Variants in RAB27A observed in about 807,000 individuals in gnomAD.
The protein encoded by RAB27A is ras-related protein Rab-27A.
In RAB27A, 17 loss-of-function variants were observed where a neutral mutation model predicts 20.8. That is an observed-to-expected ratio of 0.82 (90% CI 0.56 to 1.23). The LOEUF (loss-of-function observed/expected upper bound fraction) is 1.23, where lower values mean the gene tolerates loss of function less well. Ranked by LOEUF, RAB27A falls within the 50% of genes most tolerant of loss-of-function variation. The probability of loss-of-function intolerance (pLI) is 0.00; values close to 1 mark genes in which losing one functional copy is unlikely to be tolerated. For synonymous variants in RAB27A, 85 were observed against 92.8 expected (o/e 0.92, Z 0.48); for missense variants, 277 against 266.7 (o/e 1.04, Z -0.27).
At chr15:55,246,155 T>C (rs1368057784) in intron 2 of RAB27A, among the ~76,000 whole-genome samples, 2 of 151,682 alleles carry the variant, frequency 1.3e-5, no homozygotes, top group African/African-American at 4.8e-5. Context: ...CACCAAAACA[T>C]ACATCATTTT....
intron 2 of RAB27A, among the ~76,000 whole-genome samples, chr15:55,303,549 C>T (rs62018101): frequency 3.1e-5 from 2 of 64,778 alleles, no homozygotes; most frequent in African/African-American, 1.6e-4. Context: ...CCGCCCCGTC[C>T]GGGAGGGAGG....
At chr15:55,239,154 A>C (rs912481681) in intron 2 of RAB27A, among the ~76,000 whole-genome samples, 5 of 152,232 alleles carry the variant, frequency 3.3e-5, no homozygotes, top group African/African-American at 9.6e-5. Flanking sequence ...CTGTGCTGAC[A>C]AATTAAATCC....
At chr15:55,296,112 T>C (rs1167028640) in intron 2 of RAB27A, among the ~76,000 whole-genome samples, 1 of 148,784 alleles carries the variant, frequency 6.7e-6, no homozygotes, top group Non-Finnish European at 1.5e-5. Flanking sequence ...GCCAGGCTGG[T>C]CTCGAACTCC....
intron 2 of RAB27A, among the ~76,000 whole-genome samples, chr15:55,235,210 G>A (rs2140991077): frequency 6.6e-6 from 1 of 152,244 alleles, no homozygotes; most frequent in Non-Finnish European, 1.5e-5. Context: ...CACTTTGGGA[G>A]GCCAAGGTGG....
At chr15:55,242,471 CTAAG>C (rs1306426246) in intron 2 of RAB27A, among the ~76,000 whole-genome samples, 1 of 152,122 alleles carries the variant, frequency 6.6e-6, no homozygotes, top group African/African-American at 2.4e-5. Flanking sequence ...GTTTTAAGGA[CTAAG>C]TGAGATAACC....
intron 2 of RAB27A, among the ~76,000 whole-genome samples, chr15:55,261,795 T>G (rs1897277971): frequency 6.7e-6 from 1 of 149,690 alleles, no homozygotes; most frequent in Non-Finnish European, 1.5e-5. Context: ...ATCCCAGCAC[T>G]TTGGAAGGCC....
intron 2 of RAB27A, among the ~76,000 whole-genome samples, chr15:55,301,559 A>G (rs375565345): frequency 6.6e-6 from 1 of 151,430 alleles, no homozygotes; most frequent in South Asian, 2.1e-4. Context: ...TTAAAAGTGT[A>G]TGATTTGGTG....
intron 5 of RAB27A, 139 bp downstream of exon 5, chr15:55,228,469 AC>A: frequency 1.4e-6 from 1 of 704,214 alleles, no homozygotes; most frequent in Admixed American, 2.5e-5. Flanking sequence ...TTGTCCCTAA[AC>A]TAAAAACCTT....
chr15:55,244,254 G>A (rs1896603913), intron 2 of RAB27A, among the ~76,000 whole-genome samples: 1 of 152,188 alleles, frequency 6.6e-6, no homozygotes, highest in African/African-American at 2.4e-5. Flanking sequence ...GGTGGAGGTT[G>A]CAGTGAGCAG....
chr15:55,295,488 C>T (rs1242669370), intron 2 of RAB27A, among the ~76,000 whole-genome samples: 1 of 152,124 alleles, frequency 6.6e-6, no homozygotes, highest in Non-Finnish European at 1.5e-5. Flanking sequence ...TGTGGCACAT[C>T]CATATAATGG....
At chr15:55,316,550 C>T (rs1467936751) in intron 1 of RAB27A, among the ~76,000 whole-genome samples, 1 of 148,792 alleles carries the variant, frequency 6.7e-6, no homozygotes, top group African/African-American at 2.5e-5. Flanking sequence ...ATCTATGTTA[C>T]AAACCTGCAC....
intron 2 of RAB27A, among the ~76,000 whole-genome samples, chr15:55,305,101 G>T (rs1450271651): frequency 6.6e-6 from 1 of 152,162 alleles, no homozygotes; most frequent in Admixed American, 6.5e-5. Flanking sequence ...TTGGTCAGGT[G>T]TGAGCTAAGT....
chr15:55,229,324 G>C (rs1324535710), intron 4 of RAB27A, among the ~76,000 whole-genome samples: 1 of 151,160 alleles, frequency 6.6e-6, no homozygotes, highest in African/African-American at 2.4e-5. Context: ...GTATGAATTT[G>C]TCATCTAATC....
intron 2 of RAB27A, among the ~76,000 whole-genome samples, chr15:55,241,539 G>A (rs1214271274): frequency 1.3e-5 from 2 of 149,830 alleles, no homozygotes; most frequent in Admixed American, 6.6e-5. Context: ...AGGAGGCTGA[G>A]GCAGAAGGAT....
upstream of RAB27A, among the ~76,000 whole-genome samples, chr15:55,291,510 C>CAAA (rs530643102): frequency 2.4e-3 from 166 of 69,024 alleles, no homozygotes; most frequent in Non-Finnish European, 2.8e-3. Flanking sequence ...GACTCTGTTT[C>CAAA]AAAAAAAAAA....
At chr15:55,286,958 C>T (rs1356071751) in intron 1 of RAB27A, among the ~76,000 whole-genome samples, 2 of 130,548 alleles carry the variant, frequency 1.5e-5, no homozygotes, top group Non-Finnish European at 3.1e-5. Flanking sequence ...CACACTCTGT[C>T]GCCCAGGCTG....
chr15:55,285,850 A>G (rs1317852464), intron 1 of RAB27A, among the ~76,000 whole-genome samples: 1 of 152,192 alleles, frequency 6.6e-6, no homozygotes, highest in Non-Finnish European at 1.5e-5. Context: ...AGAGGCCAAC[A>G]CCCTGGAGAT....
intron 1 of RAB27A, among the ~76,000 whole-genome samples, chr15:55,316,836 T>G (rs968994203): frequency 6.6e-6 from 1 of 152,106 alleles, no homozygotes; most frequent in African/African-American, 2.4e-5. Context: ...CCATCCCAAC[T>G]CTCAACTACT....
intron 6 of RAB27A, among the ~76,000 whole-genome samples, chr15:55,219,304 T>C (rs1895456608): frequency 6.6e-6 from 1 of 152,138 alleles, no homozygotes; most frequent in East Asian, 1.9e-4. Context: ...TTAGCATGGA[T>C]TTTCCAATGA....
Sources: allele counts gnomAD v4.1 joint callset (sites outside exome capture counted in the v4.1 genomes callset), GRCh38; gene constraint gnomAD v4.1.1; transcripts MANE v1.5; gene names NCBI Gene and HGNC (gene_info 2026-07-23, HGNC 2026-07-21).